The following CYB561A3 variants were observed in gnomAD, a reference collection of about 807,000 sequenced individuals.
CYB561A3 encodes the protein cytochrome b561 family member A3, also known as lysosomal membrane ascorbate-dependent ferrireductase CYB561A3.
In CYB561A3, 16 loss-of-function variants were observed where a neutral mutation model predicts 25.3. The ratio of observed to expected loss-of-function variants is 0.63; its 90% confidence interval spans 0.43 to 0.96. The LOEUF is 0.96. Among genes scored for constraint, CYB561A3 ranks in the 40% least tolerant of loss-of-function variants. The pLI, the probability that CYB561A3 is intolerant of heterozygous loss-of-function variation, is 0.00. For missense variants in CYB561A3, 219 were observed against 307.5 expected, an observed-to-expected ratio of 0.71 and a Z score of 2.15; for synonymous variants, 131 against 129.9, an observed-to-expected ratio of 1.01 and a Z score of -0.06.
At chr11:61,356,333 G>C (rs1284666622) in intron 3 of CYB561A3, 197 bp downstream of exon 3, 6 of 730,822 alleles carry the variant, frequency 8.2e-6, no homozygotes, top group Non-Finnish European at 1.3e-5. Flanking sequence ...TAGAGTATTT[G>C]TGAAGCCACC....
At chr11:61,356,244 G>A (rs1467023519) in intron 3 of CYB561A3, among the ~76,000 whole-genome samples, 1 of 152,200 alleles carries the variant, frequency 6.6e-6, no homozygotes, top group Admixed American at 6.5e-5. Flanking sequence ...GCAGAGCTGA[G>A]TAACTGCAAC....
chr11:61,351,281 TTTC>T (rs1449894581), intron 5 of CYB561A3, 134 bp from the exon 6 acceptor site: 24 of 791,602 alleles, frequency 3.0e-5, no homozygotes, highest in South Asian at 5.2e-5. Flanking sequence ...TTTAACACCC[TTTC>T]TTTTTTTTTT....
At position 61,353,012 on chromosome 11, in the gene CYB561A3, C is replaced by A; in HGVS notation, c.521G>T (p.Gly174Val). The change falls in exon 5 of 7, where the codon GGC becomes GTC. Residue 174 changes from glycine (G) to valine (V), a missense_variant. Gly to Val is a moderately radical substitution (Grantham distance 109). Coordinates refer to ENST00000294072, the MANE Select transcript of CYB561A3 (RefSeq NM_153611.6). ...LSLSIASVIS[G>V]INEKLFFSLK... is the part of the protein sequence containing the mutation. ...ACTGAAGAAAAGCTTCTCATTAATG[C>A]CCGAAATGACGGATGCGATGGACAG... 6.2e-7 allele frequency: 1 copy of A among 1,614,142 alleles called. No homozygotes were observed. Among genetic ancestry groups the A allele is most frequent in the Non-Finnish European group, 8.5e-7 (1 of 1,180,026 alleles).
In CYB561A3 at chr11:61,350,704, T is replaced by G. The variant is rs1590596076; in HGVS notation, c.706-282A>C. On this transcript the variant is annotated intron_variant, in intron 6 of 6. Coordinates refer to ENST00000294072, the MANE Select transcript of CYB561A3 (RefSeq NM_153611.6). ...ACACACCCTTGTCACAGTCAAGCCCTTCCTTGGGGAAGAAGATAAGGCCAC... is the reference window on the plus strand; with the variant it reads ...ACACACCCTTGTCACAGTCAAGCCCGTCCTTGGGGAAGAAGATAAGGCCAC... The G allele has an allele frequency of 1.2e-5, 7 of 590,896 alleles. No homozygotes were observed. In the East Asian group the frequency reaches 2.0e-4, roughly 17 times the overall value. The allele number at this position is 590,896 out of a possible 1,614,324, so 36.6% of individuals were successfully genotyped here. A position where few individuals can be genotyped will look rare whatever the true frequency, so the allele number is the denominator to read the frequency against.
At chr11:61,357,350 G>A (rs1238440863) in intron 2 of CYB561A3, 1 of 863,228 alleles carries the variant, frequency 1.2e-6, no homozygotes, top group Non-Finnish European at 1.7e-6. Context: ...CTCCAGCCCT[G>A]AGACTTCTGC....
chr11:61,348,943 G>A lies in CYB561A3; in HGVS notation c.*1456C>T, dbSNP rs1857269626. 1 of 153,534 alleles carries A rather than the reference G, an allele frequency of 6.5e-6. No individual in the cohort carries two copies. The highest frequency in any genetic ancestry group is 2.4e-5 in the African/African-American group (1 of 41,468). 9.5% of individuals were successfully genotyped at this position (153,534 alleles called of 1,614,324 possible). On this transcript the variant is annotated 3_prime_UTR_variant, in exon 7 of 7. Coordinates refer to ENST00000294072, the MANE Select transcript of CYB561A3 (RefSeq NM_153611.6). The stretch of plus-strand genomic sequence containing the variant: ...GGCTTTGAAGGCTCCAGCCAGTCAA[G>A]ACGGTCAATATTAGCCCTTCTGCCA...
intron 3 of CYB561A3, 134 bp from the exon 4 acceptor site, chr11:61,354,126 C>T: frequency 1.2e-6 from 1 of 859,042 alleles, no homozygotes; most frequent in Non-Finnish European, 1.8e-6. Context: ...GTATCAACTC[C>T]TCGGCATCTT....
In CYB561A3 at chr11:61,351,115, G is replaced by A; in HGVS notation, c.581C>T (p.Pro194Leu). 6.2e-7 allele frequency: 1 copy of A among 1,613,750 alleles called. No homozygotes were observed. Among genetic ancestry groups the A allele is most frequent in the Non-Finnish European group, 8.5e-7 (1 of 1,179,896 alleles). ...KNTTRPYHSL[P>L]SEAVFANSTG... The stretch of plus-strand genomic sequence containing the variant: ...GCTGTTGGCAAAGACCGCCTCACTG[G>A]GCAGGCTGTGGTATGGCCTGGTGGT... Residue 194 changes from proline to leucine, a missense_variant, in exon 6 of 7, where the codon CCC becomes CTC. Coordinates refer to ENST00000294072, the MANE Select transcript of CYB561A3 (RefSeq NM_153611.6).
chr11:61,354,080 C>A, intron 3 of CYB561A3, 88 bp from the exon 4 acceptor site: 1 of 1,402,928 alleles, frequency 7.1e-7, no homozygotes, highest in Non-Finnish European at 9.8e-7. Context: ...TCCTACACAG[C>A]TTCCCAGCAA....
intron 1 of CYB561A3, chr11:61,361,282 C>T (rs2135139719): frequency 6.6e-6 from 1 of 152,314 alleles, no homozygotes; most frequent in Admixed American, 6.5e-5. Flanking sequence ...CTGAGGATTC[C>T]TTATTCTCAA....
Position 61,353,149 on chromosome 11 carries a change from AAAGG to A in CYB561A3, c.394-14_394-11del. The A allele has an allele frequency of 1.9e-6, 3 of 1,595,910 alleles. No homozygotes were observed. The highest frequency in any genetic ancestry group is 2.6e-6 in the Non-Finnish European group (3 of 1,172,124). On this transcript the variant is annotated splice_polypyrimidine_tract_variant and intron_variant, in intron 4 of 6. Transcript: ENST00000294072. ...CAAAGCCCAGGAACCACTGTGGACA[AAAGG>A]GAGGACACACCCGACTGTGCTATGT...
At chr11:61,353,180 T>G (rs766637376) in intron 4 of CYB561A3, 41 bp from the exon 5 acceptor site, 1 of 1,548,862 alleles carries the variant, frequency 6.5e-7, no homozygotes. Flanking sequence ...GTGCTATGTG[T>G]GACCAAAGCA....
rs981467823 is a variant in CYB561A3, at chr11:61,350,218, G to C, written c.*181C>G. 1.3e-6 allele frequency: 1 copy of C among 752,316 alleles called. No homozygotes were observed. The highest frequency in any genetic ancestry group is 1.8e-5 in the African/African-American group (1 of 56,546). The allele number at this position is 752,316 out of a possible 1,614,324, so 46.6% of individuals were successfully genotyped here. Reference sequence around the variant, plus strand: ...CCCAGCACCCAGGCAAAGCCACCAAGGAAAGCAGACAGGCAGCAAGCGGCC... The same window carrying C: ...CCCAGCACCCAGGCAAAGCCACCAACGAAAGCAGACAGGCAGCAAGCGGCC... On this transcript the variant is annotated 3_prime_UTR_variant, in exon 7 of 7. Transcript: ENST00000294072.
chr11:61,356,421 C>T, intron 3 of CYB561A3, 109 bp downstream of exon 3: 2 of 426,074 alleles, frequency 4.7e-6, no homozygotes, highest in Non-Finnish European at 4.3e-6. Context: ...ACCCACCCTA[C>T]CCCCATAGCC....
intron 3 of CYB561A3, 51 bp from the exon 4 acceptor site, chr11:61,354,043 A>C (rs1857542926): frequency 6.3e-7 from 1 of 1,597,546 alleles, no homozygotes; most frequent in East Asian, 2.2e-5. Context: ...GAGCTCACCC[A>C]GACATCAGGG....
At position 61,349,618 on chromosome 11, in the gene CYB561A3, G is replaced by C. The variant is rs773226751; in HGVS notation, c.*781C>G. 1 of 702,992 alleles carries C rather than the reference G, an allele frequency of 1.4e-6. No individual in the cohort carries two copies. Among genetic ancestry groups the C allele is most frequent in the South Asian group, 1.5e-5 (1 of 67,604 alleles). The allele number at this position is 702,992 out of a possible 1,614,324, so 43.5% of individuals were successfully genotyped here. On this transcript the variant is annotated 3_prime_UTR_variant, in exon 7 of 7. Coordinates refer to ENST00000294072, the MANE Select transcript of CYB561A3 (RefSeq NM_153611.6). Reference sequence around the variant, plus strand: ...CACGTAAGTCACAGGGAAAGGCCGGGATCCAGGCCTCAGCTGTAGCAGCAG... The same window carrying C: ...CACGTAAGTCACAGGGAAAGGCCGGCATCCAGGCCTCAGCTGTAGCAGCAG...
chr11:61,352,772 G>A lies in CYB561A3; in HGVS notation c.548+213C>T, dbSNP rs1026432254. 9 of 1,406,264 alleles carry A rather than the reference G, an allele frequency of 6.4e-6. No homozygotes were observed. The South Asian group carries it at 1.4e-4, about 21-fold the overall frequency. The allele number at this position is 1,406,264 out of a possible 1,614,324, so 87.1% of individuals were successfully genotyped here. ...TGCTTAGTACTGTTTCTGACACACA[G>A]CAGGTGCTAAATCAAACTGATGCTC... On this transcript the variant is annotated intron_variant, in intron 5 of 6. Coordinates refer to ENST00000294072, the MANE Select transcript of CYB561A3 (RefSeq NM_153611.6).
intron 3 of CYB561A3, chr11:61,354,300 T>A (rs1286153773): frequency 4.9e-6 from 2 of 404,076 alleles, no homozygotes; most frequent in Non-Finnish European, 9.3e-6. Context: ...GAGGTTACAG[T>A]GAGCTATGAT....
chr11:61,351,248 C>G, intron 5 of CYB561A3, 101 bp from the exon 6 acceptor site: 2 of 1,274,636 alleles, frequency 1.6e-6, no homozygotes, highest in Non-Finnish European at 2.1e-6. Context: ...AAAACCTTCC[C>G]GGGTCCATAT....
Sources: allele counts gnomAD v4.1 joint callset (sites outside exome capture counted in the v4.1 genomes callset), GRCh38; gene constraint gnomAD v4.1.1; transcripts MANE v1.5; gene names NCBI Gene and HGNC (gene_info 2026-07-23, HGNC 2026-07-21).